Variants in ERG observed in about 807,000 individuals in gnomAD.
The protein encoded by ERG is ETS transcription factor ERG.
Under a neutral mutation model 55.3 loss-of-function variants are expected in ERG, and 9 were observed. The observed-to-expected ratio is 0.16, with a 90% CI of 0.10 to 0.28. ERG has a LOEUF of 0.28. Among genes scored for constraint, ERG ranks in the 10% least tolerant of loss-of-function variants. The probability of loss-of-function intolerance (pLI) is 1.00; values close to 1 mark genes in which losing one functional copy is unlikely to be tolerated. For synonymous variants in ERG, 223 were observed against 237.3 expected (o/e 0.94, Z 0.55); for missense variants, 434 against 631.6 (o/e 0.69, Z 3.35).
chr21:38,643,192 G>A (rs181887466), intron 1 of ERG, among the ~76,000 whole-genome samples: 26 of 152,298 alleles, frequency 1.7e-4, no homozygotes, highest in African/African-American at 5.8e-4. Flanking sequence ...CACAATACAC[G>A]TACTGTCTGC....
chr21:38,449,105 C>T (rs1051255780), intron 1 of ERG: 5 of 152,234 alleles, frequency 3.3e-5, no homozygotes. Flanking sequence ...TGGCCAGCCA[C>T]AAGGCTTGGG....
At chr21:38,375,459 A>G (rs1233206778), downstream of ERG, among the ~76,000 whole-genome samples, 1 of 152,232 alleles carries the variant, frequency 6.6e-6, no homozygotes, top group African/African-American at 2.4e-5. Flanking sequence ...TCATTGTGAC[A>G]TCAAAGATTC....
At chr21:38,509,051 A>G (rs1281823414) in intron 2 of ERG, among the ~76,000 whole-genome samples, 1 of 152,210 alleles carries the variant, frequency 6.6e-6, no homozygotes, top group Admixed American at 6.5e-5. Flanking sequence ...AGATCACTCC[A>G]GCCCCAACCG....
intron 2 of ERG, among the ~76,000 whole-genome samples, chr21:38,508,377 T>A (rs1010292752): frequency 6.6e-6 from 1 of 151,950 alleles, no homozygotes; most frequent in Non-Finnish European, 1.5e-5. Flanking sequence ...TAATAGTACC[T>A]GTAAGCAAGT....
At chr21:38,594,010 C>CA (rs531850366) in intron 1 of ERG, among the ~76,000 whole-genome samples, 134 of 147,772 alleles carry the variant, frequency 9.1e-4, no homozygotes, top group African/African-American at 1.1e-3. Flanking sequence ...ACATTGTTGA[C>CA]AAAAAAAAAA....
At chr21:38,585,955 GA>G (rs970342353), upstream of ERG, among the ~76,000 whole-genome samples, 2 of 147,662 alleles carry the variant, frequency 1.4e-5, no homozygotes, top group African/African-American at 5.0e-5. Context: ...ATTGCACAAA[GA>G]AAAAAAAATA....
chr21:38,566,801 C>T (rs528678899), intron 2 of ERG, among the ~76,000 whole-genome samples: 12 of 152,314 alleles, frequency 7.9e-5, no homozygotes, highest in Middle Eastern at 3.4e-3. Flanking sequence ...GAGCAAGATA[C>T]GCAGAAACAC....
intron 6 of ERG, 50 bp downstream of exon 6, chr21:38,400,524 A>G: frequency 1.4e-6 from 2 of 1,412,870 alleles, no homozygotes; most frequent in African/African-American, 2.8e-5. Flanking sequence ...TCTCAGCAGG[A>G]CATCTGGGAT....
At chr21:38,589,564 T>C (rs566703187), upstream of ERG, among the ~76,000 whole-genome samples, 2 of 152,256 alleles carry the variant, frequency 1.3e-5, no homozygotes, top group South Asian at 4.1e-4. Flanking sequence ...ATAATTCTGG[T>C]CAGTCTAACA....
intron 2 of ERG, among the ~76,000 whole-genome samples, chr21:38,528,070 T>C (rs1193691092): frequency 6.6e-6 from 1 of 152,194 alleles, no homozygotes; most frequent in Non-Finnish European, 1.5e-5. Flanking sequence ...CCCCAGCTTC[T>C]GGGGGCTGCT....
At chr21:38,505,284 T>C (rs1390653391) in intron 2 of ERG, among the ~76,000 whole-genome samples, 1 of 152,140 alleles carries the variant, frequency 6.6e-6, no homozygotes, top group Non-Finnish European at 1.5e-5. Flanking sequence ...CTCAGCGCAG[T>C]AACTGCTACA....
intron 2 of ERG, among the ~76,000 whole-genome samples, chr21:38,511,252 TTGTC>T (rs1392828283): frequency 6.6e-6 from 1 of 152,202 alleles, no homozygotes. Flanking sequence ...AATCAATATT[TTGTC>T]TATTTACTAA....
intron 3 of ERG, among the ~76,000 whole-genome samples, chr21:38,416,934 C>T (rs1403068087): frequency 2.6e-5 from 4 of 152,158 alleles, no homozygotes; most frequent in Admixed American, 6.5e-5. Flanking sequence ...AAAGGGCTTT[C>T]GAAATCACAT....
intron 1 of ERG, among the ~76,000 whole-genome samples, chr21:38,456,495 T>C (rs905475950): frequency 6.6e-6 from 1 of 152,176 alleles, no homozygotes; most frequent in African/African-American, 2.4e-5. Flanking sequence ...CAGAAAGTCT[T>C]GTAGAAACTG....
intron 2 of ERG, among the ~76,000 whole-genome samples, chr21:38,506,802 G>C (rs902845991): frequency 3.3e-5 from 5 of 152,112 alleles, no homozygotes; most frequent in Non-Finnish European, 7.3e-5. Context: ...CTGGGTGTGG[G>C]TAAGGCTCTG....
intron 2 of ERG, among the ~76,000 whole-genome samples, chr21:38,573,937 G>C (rs17194172): frequency 6.6e-6 from 1 of 152,146 alleles, no homozygotes; most frequent in Non-Finnish European, 1.5e-5. Flanking sequence ...ATCAAATATA[G>C]AACGTTTCTA....
intron 6 of ERG, among the ~76,000 whole-genome samples, chr21:38,393,440 C>T (rs1988068056): frequency 6.6e-6 from 1 of 152,136 alleles, no homozygotes; most frequent in African/African-American, 2.4e-5. Flanking sequence ...TCTTGGATTG[C>T]TTGGTCTCAG....
At chr21:38,537,441 AATATAT>A (rs1555854661) in intron 2 of ERG, among the ~76,000 whole-genome samples, 2 of 52,146 alleles carry the variant, frequency 3.8e-5, no homozygotes, top group African/African-American at 1.2e-4. Context: ...CAGAAAAAAA[AATATAT>A]ATATATATGT....
chr21:38,618,418 G>A (rs974674155), intron 1 of ERG, among the ~76,000 whole-genome samples: 3 of 152,282 alleles, frequency 2.0e-5, no homozygotes, highest in East Asian at 1.9e-4. Context: ...ACAAAGTAAC[G>A]TGGAGCAGAT....
Sources: allele counts gnomAD v4.1 joint callset (sites outside exome capture counted in the v4.1 genomes callset), GRCh38; gene constraint gnomAD v4.1.1; transcripts MANE v1.5; gene names NCBI Gene and HGNC (gene_info 2026-07-23, HGNC 2026-07-21).